The following HSPA12A variants were observed in gnomAD, a reference collection of about 807,000 sequenced individuals.
HSPA12A encodes the protein heat shock protein family A (Hsp70) member 12A.
In HSPA12A, 28 loss-of-function variants were observed where a neutral mutation model predicts 69.2. That is an observed-to-expected ratio of 0.40 (90% CI 0.30 to 0.55). HSPA12A has a LOEUF of 0.55. HSPA12A is among the 20% of genes least tolerant of loss of function. HSPA12A has a pLI of 0.38. For missense variants in HSPA12A, 686 were observed against 900.7 expected, an observed-to-expected ratio of 0.76 and a Z score of 3.05; for synonymous variants, 345 against 370.5, an observed-to-expected ratio of 0.93 and a Z score of 0.79.
chr10:116,830,055 G>T (rs17095303), intron 2 of HSPA12A: 14,177 of 152,162 alleles, frequency 0.093, 887 homozygotes, highest in East Asian at 0.25. Flanking sequence ...ACTGAATGAT[G>T]GGGAATCACA....
chr10:116,789,398 ACT>A (rs1239120453), intron 2 of HSPA12A, among the ~76,000 whole-genome samples: 1 of 151,800 alleles, frequency 6.6e-6, no homozygotes, highest in East Asian at 1.9e-4. Context: ...TACTCCAGAA[ACT>A]CTCTTAGGAA....
intron 2 of HSPA12A, among the ~76,000 whole-genome samples, chr10:116,765,714 C>G (rs1435576132): frequency 3.3e-5 from 5 of 152,144 alleles, no homozygotes; most frequent in Non-Finnish European, 7.4e-5. Context: ...CCGTTAGATG[C>G]TGAGAAACCT....
At chr10:116,795,232 T>C (rs1046580546) in intron 2 of HSPA12A, among the ~76,000 whole-genome samples, 15 of 152,182 alleles carry the variant, frequency 9.9e-5, no homozygotes, top group Non-Finnish European at 1.8e-4. Context: ...TCTCCAAACA[T>C]GCTAGGCTGT....
intron 1 of HSPA12A, among the ~76,000 whole-genome samples, chr10:116,728,345 G>A (rs567030948): frequency 6.0e-4 from 91 of 152,270 alleles, no homozygotes; most frequent in Non-Finnish European, 1.1e-3. Context: ...CTTACAATGG[G>A]TTTATCAGGG....
chr10:116,705,547 G>A (rs1028964891), intron 2 of HSPA12A, among the ~76,000 whole-genome samples: 3 of 152,240 alleles, frequency 2.0e-5, no homozygotes, highest in Non-Finnish European at 4.4e-5. Context: ...TCTATAGACC[G>A]TGCCCGCACA....
rs1849180345 is a variant in HSPA12A at position 116,674,892 on chromosome 10, C to T, written c.1917G>A (p.Arg639=). The T allele has an allele frequency of 2.5e-6, 4 of 1,614,118 alleles. No individual in the cohort carries two copies. The highest frequency in any genetic ancestry group is 3.4e-6 in the Non-Finnish European group (4 of 1,180,050). Reference sequence around the variant, plus strand: ...ACTGCATAAGGGTCTGGATCTCCCTCCGGGCGGGCACCGCAGTGCCACTGG... The same window carrying T: ...ACTGCATAAGGGTCTGGATCTCCCTTCGGGCGGGCACCGCAGTGCCACTGG... ...TGTSGTAVPA[R]REIQTLMQFG... is the part of the protein sequence containing the mutation. Residue 639 remains arginine (R), a synonymous_variant, in exon 12 of 12, where the codon CGG becomes CGA. Transcript: ENST00000369209.
At chr10:116,821,616 A>T (rs994855922) in intron 2 of HSPA12A, among the ~76,000 whole-genome samples, 1 of 152,262 alleles carries the variant, frequency 6.6e-6, no homozygotes, top group Non-Finnish European at 1.5e-5. Context: ...TTGTACTTTT[A>T]TCCAGTGCTG....
intron 2 of HSPA12A, among the ~76,000 whole-genome samples, chr10:116,789,636 T>C (rs566426680): frequency 6.6e-6 from 1 of 152,324 alleles, no homozygotes; most frequent in African/African-American, 2.4e-5. Context: ...TGCACTTGTC[T>C]GATTATTCCT....
intron 2 of HSPA12A, among the ~76,000 whole-genome samples, chr10:116,753,463 C>T (rs191733180): frequency 1.3e-4 from 20 of 152,350 alleles, no homozygotes; most frequent in Middle Eastern, 6.8e-3. Context: ...TGGCTTTGCA[C>T]AGGTCACCTA....
intron 1 of HSPA12A, among the ~76,000 whole-genome samples, chr10:116,713,651 A>G (rs1850516523): frequency 6.6e-6 from 1 of 152,182 alleles, no homozygotes; most frequent in Non-Finnish European, 1.5e-5. Flanking sequence ...AACTGTCAAC[A>G]GGGGTGGTTC....
At chr10:116,772,797 C>T (rs1322443698) in intron 2 of HSPA12A, among the ~76,000 whole-genome samples, 5 of 152,138 alleles carry the variant, frequency 3.3e-5, no homozygotes, top group African/African-American at 9.6e-5. Flanking sequence ...TGGGCTCAAG[C>T]GATCCTCCCA....
At chr10:116,772,720 T>C (rs12773440) in intron 2 of HSPA12A, among the ~76,000 whole-genome samples, 3,870 of 151,876 alleles carry the variant, frequency 0.025, 59 homozygotes, top group Middle Eastern at 0.068. Context: ...GGAGACAGGG[T>C]CTCCCTCTCT....
chr10:116,753,993 C>T (rs918809880), intron 2 of HSPA12A, among the ~76,000 whole-genome samples: 1 of 152,244 alleles, frequency 6.6e-6, no homozygotes, highest in African/African-American at 2.4e-5. Flanking sequence ...GGGAGCCAGC[C>T]TCATGCCAGG....
At position 116,671,268 on chromosome 10, in the gene HSPA12A, A is replaced by G. The variant is rs533472659; in HGVS notation, c.*3513T>C. 2 of 152,284 alleles carry G rather than the reference A, an allele frequency of 1.3e-5. No individual in the cohort carries two copies. Among genetic ancestry groups the G allele is most frequent in the South Asian group, 2.1e-4 (1 of 4,818 alleles). The allele number at this position is 152,284 out of a possible 1,614,324, so 9.4% of individuals were successfully genotyped here. A position where few individuals can be genotyped will look rare whatever the true frequency, so the allele number is the denominator to read the frequency against. ...CAGACACAGTCCCGTCTGGTGGTGA[A>G]CTGCTGCAAAGTTCTGTGAAGTTTG... On this transcript the variant is annotated 3_prime_UTR_variant, in exon 12 of 12. Transcript: ENST00000369209.
chr10:116,773,226 C>T (rs1844253203), intron 2 of HSPA12A, among the ~76,000 whole-genome samples: 1 of 152,254 alleles, frequency 6.6e-6, no homozygotes, highest in Admixed American at 6.5e-5. Context: ...TCCCCAGCCC[C>T]TCCAGAGGCC....
chr10:116,843,914 G>A (rs949147543), intron 1 of HSPA12A, among the ~76,000 whole-genome samples: 2 of 152,170 alleles, frequency 1.3e-5, no homozygotes, highest in African/African-American at 4.8e-5. Flanking sequence ...TTAGATTCTA[G>A]TAGAAGCTAA....
chr10:116,689,733 C>T (rs940358605), intron 6 of HSPA12A, among the ~76,000 whole-genome samples: 4 of 151,676 alleles, frequency 2.6e-5, no homozygotes, highest in Non-Finnish European at 5.9e-5. Context: ...GGAGAACCCA[C>T]GGTACAGGTT....
At chr10:116,703,195 G>A (rs1172263957) in intron 3 of HSPA12A, among the ~76,000 whole-genome samples, 4 of 152,084 alleles carry the variant, frequency 2.6e-5, no homozygotes, top group African/African-American at 9.7e-5. Flanking sequence ...TATAGAACCG[G>A]CTTTTCATCA....
At chr10:116,822,394 G>A (rs1845422575) in intron 2 of HSPA12A, among the ~76,000 whole-genome samples, 1 of 152,190 alleles carries the variant, frequency 6.6e-6, no homozygotes, top group African/African-American at 2.4e-5. Context: ...GAGGGGATTT[G>A]TGGCTTATGA....
Sources: gnomAD v4.1 joint callset for allele counts (sites outside exome capture counted in the v4.1 genomes callset) on GRCh38, gnomAD v4.1.1 for gene constraint, MANE v1.5 for transcripts, NCBI Gene and HGNC (gene_info 2026-07-23, HGNC 2026-07-21) for gene names.